The following STRN variants were observed in gnomAD, a reference collection of about 807,000 sequenced individuals.
The protein encoded by STRN is protein phosphatase 2 regulatory subunit B'''alpha.
In STRN, 53 loss-of-function variants were observed where a neutral mutation model predicts 96.3. That is an observed-to-expected ratio of 0.55 (90% CI 0.44 to 0.69). The LOEUF (loss-of-function observed/expected upper bound fraction) is 0.69, where lower values mean the gene tolerates loss of function less well. Among genes scored for constraint, STRN ranks in the 30% least tolerant of loss-of-function variants. The pLI is 0.00. For synonymous variants in STRN, 428 were observed against 355.9 expected (o/e 1.20, Z -2.28); for missense variants, 987 against 963.9 (o/e 1.02, Z -0.32).
At position 36,869,689 on chromosome 2, in the gene STRN, G is replaced by C. The variant is rs1420311657; in HGVS notation, c.1364C>G (p.Pro455Arg). Reference sequence around the variant, plus strand: ...AAAGTGACTTCTCAATGTAAACTTAGGGTTCCATGTCTTCCTCAATGCATC... The same window carrying C: ...AAAGTGACTTCTCAATGTAAACTTACGGTTCCATGTCTTCCTCAATGCATC... ...NKDALRKTWN[P>R]KFTLRSHFDG... The change falls in exon 11 of 18, where the codon CCT (proline) becomes CGT (arginine). Residue 455 changes from proline to arginine, a missense_variant. Coordinates refer to ENST00000263918, the MANE Select transcript of STRN (RefSeq NM_003162.4). The C allele has an allele frequency of 1.2e-6, 2 of 1,610,104 alleles. No homozygotes were observed. Among genetic ancestry groups the C allele is most frequent in the Non-Finnish European group, 8.5e-7 (1 of 1,178,322 alleles).
At chr2:36,900,050 T>C (rs924228369) in intron 5 of STRN, among the ~76,000 whole-genome samples, 5 of 151,938 alleles carry the variant, frequency 3.3e-5, no homozygotes, top group Non-Finnish European at 7.4e-5. Context: ...CACCACACCC[T>C]GCTAATTTTT....
At chr2:36,862,739 TC>T (rs1368911472) in intron 12 of STRN, among the ~76,000 whole-genome samples, 1 of 149,862 alleles carries the variant, frequency 6.7e-6, no homozygotes, top group Non-Finnish European at 1.5e-5. Flanking sequence ...TTGTTTTTAT[TC>T]TTTTTTTTTT....
rs1311226469 is a variant in STRN at position 36,877,912 on chromosome 2, T to C, written c.1302A>G (p.Glu434=). The stretch of plus-strand genomic sequence containing the variant: ...TTACATCATAAGTTAGTGAGTCTGC[T>C]TCATTGGCCACCGTAAGGCCTGCTA... ...GELAGLTVAN[E]ADSLTYDIAN... is the part of the protein sequence containing the mutation. Residue 434 remains glutamate (E), a synonymous_variant, in exon 10 of 18, where the codon GAA becomes GAG. Transcript: ENST00000263918. 6.2e-7 allele frequency: 1 copy of C among 1,614,214 alleles called. No individual in the cohort carries two copies.
intron 14 of STRN, 104 bp from the exon 15 acceptor site, chr2:36,855,456 A>C: frequency 8.6e-7 from 1 of 1,162,420 alleles, no homozygotes; most frequent in African/African-American, 1.6e-5. Flanking sequence ...TTAAGAAGTA[A>C]ACAAGGCTTA....
intron 13 of STRN, among the ~76,000 whole-genome samples, chr2:36,858,577 T>C (rs928830014): frequency 1.3e-5 from 2 of 152,168 alleles, no homozygotes; most frequent in African/African-American, 4.8e-5. Context: ...GCAGTGATAG[T>C]GTATGCAGGG....
intron 1 of STRN, among the ~76,000 whole-genome samples, chr2:36,948,820 G>C (rs13419229): frequency 0.03 from 4,522 of 152,246 alleles, 105 homozygotes; most frequent in African/African-American, 0.071. Flanking sequence ...CTTAGTGTTG[G>C]AAATGGGACT....
At position 36,887,042 on chromosome 2, in the gene STRN, G is replaced by GACAGAC. The variant is rs1307746973; in HGVS notation, c.932-217_932-216insGTCTGT. Among the ~76,000 whole-genome samples, 347 of 144,882 alleles carry GACAGAC rather than the reference G, an allele frequency of 2.4e-3. 3 individuals carry two copies. In the East Asian group the frequency reaches 0.027, roughly 11 times the overall value. On this transcript the variant is annotated intron_variant, in intron 7 of 17. Transcript: ENST00000263918. The stretch of plus-strand genomic sequence containing the variant: ...TTCCTAGAATCAGTTTCTCCTGAAA[G>GACAGAC]ACACACACACACACACACACACACA...
At chr2:36,913,364 T>C (rs1158906250) in intron 3 of STRN, among the ~76,000 whole-genome samples, 2 of 152,222 alleles carry the variant, frequency 1.3e-5, no homozygotes, top group Admixed American at 6.5e-5. Context: ...ATCCCATTTC[T>C]CAAATGTGCC....
intron 11 of STRN, 83 bp from the exon 12 acceptor site, chr2:36,867,944 A>C: frequency 4.5e-6 from 5 of 1,102,188 alleles, no homozygotes; most frequent in Non-Finnish European, 6.5e-6. Context: ...TGTCTTTAAA[A>C]ATACAAACAT....
chr2:36,886,394 C>T (rs1414040565), intron 8 of STRN, among the ~76,000 whole-genome samples: 2 of 152,008 alleles, frequency 1.3e-5, no homozygotes, highest in Non-Finnish European at 1.5e-5. Context: ...AAAAGAAAAA[C>T]ATTGTTATAA....
At chr2:36,900,998 T>G (rs1406357078) in intron 5 of STRN, among the ~76,000 whole-genome samples, 2 of 151,108 alleles carry the variant, frequency 1.3e-5, no homozygotes, top group African/African-American at 4.9e-5. Flanking sequence ...AGAGAGCATT[T>G]TCCTGAAAAA....
rs1268132706 is a variant in STRN at position 36,861,252 on chromosome 2, C to T, written c.1549G>A (p.Gly517Ser). ...CTCATTACCACACAAAGCACTGGAC[C>T]TCTGGGAGATTAAAAAAAATAAATC... is the stretch of plus-strand genomic sequence containing the variant. Reference protein sequence around the residue: ...EPIYTFRAHKGPVLCVVMSSN... With the variant: ...EPIYTFRAHKSPVLCVVMSSN... The change falls in exon 13 of 18, where the codon GGT becomes AGT. Residue 517 changes from glycine to serine, a missense_variant and splice_region_variant. Transcript: ENST00000263918. The T allele has an allele frequency of 1.2e-6, 2 of 1,609,032 alleles. No individual in the cohort carries two copies. Among genetic ancestry groups the T allele is most frequent in the African/African-American group, 1.3e-5 (1 of 74,706 alleles).
chr2:36,871,992 C>T (rs991424963), intron 10 of STRN, among the ~76,000 whole-genome samples: 1 of 152,206 alleles, frequency 6.6e-6, no homozygotes, highest in Admixed American at 6.5e-5. Flanking sequence ...AGAAGAAAAG[C>T]TGAGTTGAAT....
chr2:36,962,498 C>G (rs539347720), intron 1 of STRN, among the ~76,000 whole-genome samples: 2 of 152,074 alleles, frequency 1.3e-5, no homozygotes, highest in East Asian at 3.9e-4. Flanking sequence ...CTATTCTCCC[C>G]ATTCACTGCT....
intron 1 of STRN, among the ~76,000 whole-genome samples, chr2:36,953,100 C>T (rs937059331): frequency 2.3e-4 from 35 of 152,174 alleles, no homozygotes; most frequent in African/African-American, 7.7e-4. Flanking sequence ...GCTAATGAAA[C>T]CTGTGTGTTC....
chr2:36,896,469 T>C (rs1007205640), intron 6 of STRN, among the ~76,000 whole-genome samples: 2 of 152,184 alleles, frequency 1.3e-5, no homozygotes, highest in Non-Finnish European at 2.9e-5. Flanking sequence ...TTTGTAATAA[T>C]AAGCATGTAT....
At chr2:36,960,714 GAATTTTAA>G (rs1665008885) in intron 1 of STRN, among the ~76,000 whole-genome samples, 1 of 152,030 alleles carries the variant, frequency 6.6e-6, no homozygotes, top group Non-Finnish European at 1.5e-5. Context: ...TTTAAAGCAA[GAATTTTAA>G]ACCCAGGTCT....
In STRN at chr2:36,846,276, ATATAT is replaced by A. The variant is rs1194022801; in HGVS notation, c.*3175_*3179del. On this transcript the variant is annotated 3_prime_UTR_variant, in exon 18 of 18. Transcript: ENST00000263918. ...TACAGTAATTTAAACACTTAGAACT[ATATAT>A]TATACTGCAAAAGCAAACAGCACAA... 6.7e-6 allele frequency: 1 copy of A among 148,452 alleles called. No homozygotes were observed. Among genetic ancestry groups the A allele is most frequent in the Admixed American group, 6.7e-5 (1 of 14,872 alleles). The allele number at this position is 148,452 out of a possible 1,614,324, so 9.2% of individuals were successfully genotyped here.
Position 36,843,203 on chromosome 2 carries a change from T to C in STRN, c.*6253A>G, listed in dbSNP as rs1393376136. On this transcript the variant is annotated 3_prime_UTR_variant, in exon 18 of 18. Coordinates refer to ENST00000263918, the MANE Select transcript of STRN (RefSeq NM_003162.4). ...TACCAAAGGATATAATACTCATTAG[T>C]ATACCAGCATACAGAACACCAAACA... 6.6e-6 allele frequency among the ~76,000 whole-genome samples: 1 copy of C among 152,186 alleles called. No homozygotes were observed. The highest frequency in any genetic ancestry group is 1.5e-5 in the Non-Finnish European group (1 of 68,028).
Sources: gnomAD v4.1 joint callset for allele counts (sites outside exome capture counted in the v4.1 genomes callset) on GRCh38, gnomAD v4.1.1 for gene constraint, MANE v1.5 for transcripts, NCBI Gene and HGNC (gene_info 2026-07-23, HGNC 2026-07-21) for gene names.